The following F8 variants were observed in gnomAD, a reference collection of about 807,000 sequenced individuals.
F8 encodes the protein antihemophilic factor.
In F8, 12 loss-of-function variants were observed where a neutral mutation model predicts 140.6. The observed-to-expected ratio is 0.09, with a 90% CI of 0.05 to 0.14. The LOEUF (loss-of-function observed/expected upper bound fraction) is 0.14. Ranked by LOEUF, F8 falls within the 10% of genes least tolerant of loss-of-function variation. F8 has a pLI of 1.00. For missense variants in F8, 1,354 were observed against 1,720.7 expected (o/e 0.79, Z 3.77); for synonymous variants, 585 against 614.6 (o/e 0.95, Z 0.71).
At chrX:154,926,161 C>A (rs782145775) in intron 14 of F8, among the ~76,000 whole-genome samples, 1 of 112,099 alleles carries the variant, frequency 8.9e-6, no homozygotes, top group East Asian at 2.8e-4. Flanking sequence ...CTCCTCCCTG[C>A]CTTCTGCCAT....
At chrX:154,931,771 A>G in intron 13 of F8, 95 bp from the exon 14 acceptor site, 1 of 725,436 alleles carries the variant, frequency 1.4e-6, no homozygotes, top group Non-Finnish European at 2.1e-6. Flanking sequence ...TAAATGAAAA[A>G]ATACTAGTCA....
intron 25 of F8, among the ~76,000 whole-genome samples, chrX:154,844,767 A>T (rs1304200156): frequency 1.8e-5 from 2 of 110,893 alleles, no homozygotes; most frequent in South Asian, 3.8e-4. Flanking sequence ...TCTTTTCCTA[A>T]TTGAATACCC....
At chrX:154,846,879 C>A (rs1466837806) in intron 25 of F8, among the ~76,000 whole-genome samples, 4 of 111,935 alleles carry the variant, frequency 3.6e-5, no homozygotes, top group African/African-American at 1.3e-4. Flanking sequence ...TTCCTAGCAT[C>A]GATGGTCTTT....
At chrX:154,958,508 C>T (rs1245301137) in intron 10 of F8, among the ~76,000 whole-genome samples, 1 of 111,895 alleles carries the variant, frequency 8.9e-6, no homozygotes, top group African/African-American at 3.2e-5. Context: ...CTCCAAATTT[C>T]GGGACACACA....
At position 154,918,539 on chromosome X, in the gene F8, G is replaced by T. The variant is rs1022607113; in HGVS notation, c.5219+10032C>A. On this transcript the variant is annotated intron_variant, in intron 14 of 25. Transcript: ENST00000360256. ...TGATGTACATACTGTCAGTCTGGGG[G>T]AACTTTTCTGCATGGTGCCTGGCAG... Among the ~76,000 whole-genome samples, 5 of 109,212 alleles carry T rather than the reference G, an allele frequency of 4.6e-5. No homozygotes were observed. In the East Asian group the frequency reaches 1.2e-3, roughly 25 times the overall value. 94.8% of individuals were successfully genotyped at this position (109,212 alleles called of 115,157 possible).
intron 1 of F8, among the ~76,000 whole-genome samples, chrX:155,014,656 A>G (rs2073725677): frequency 8.9e-6 from 1 of 112,609 alleles, no homozygotes; most frequent in Admixed American, 9.4e-5. Context: ...AAACGAAAAC[A>G]AATAAAAATG....
chrX:154,904,637 A>G, intron 16 of F8, 113 bp from the exon 17 acceptor site: 1 of 779,105 alleles, frequency 1.3e-6, no homozygotes, highest in Non-Finnish European at 2.0e-6. Flanking sequence ...TTCCAAAAAT[A>G]TAATCCATCC....
chrX:154,951,037 T>C (rs1399993729), intron 12 of F8, among the ~76,000 whole-genome samples: 1 of 112,269 alleles, frequency 8.9e-6, no homozygotes, highest in Non-Finnish European at 1.9e-5. Context: ...TACACTTTCT[T>C]CCATTTTGTC....
intron 22 of F8, among the ~76,000 whole-genome samples, chrX:154,875,721 ATCT>A (rs781862366): frequency 8.7e-5 from 9 of 103,429 alleles, no homozygotes; most frequent in Non-Finnish European, 1.6e-4. Context: ...TCTCAGAATG[ATCT>A]TCTAAGAATG....
At chrX:154,905,114 T>A (rs1243619319) in intron 15 of F8, 91 bp from the exon 16 acceptor site, 4 of 714,451 alleles carry the variant, frequency 5.6e-6, no homozygotes, top group African/African-American at 2.1e-5. Flanking sequence ...AAGAAATACC[T>A]GTCTTTTGGT....
intron 13 of F8, among the ~76,000 whole-genome samples, chrX:154,932,202 C>G (rs782422003): frequency 8.9e-6 from 1 of 112,023 alleles, no homozygotes; most frequent in Non-Finnish European, 1.9e-5. Flanking sequence ...TCTACCCCAT[C>G]ATATAATACA....
At chrX:154,912,371 T>C (rs782428643) in intron 14 of F8, among the ~76,000 whole-genome samples, 1 of 112,740 alleles carries the variant, frequency 8.9e-6, no homozygotes, top group African/African-American at 3.2e-5. Flanking sequence ...TTTGATTTAA[T>C]TTTTGTATAC....
chrX:154,855,593 A>G (rs781925581), intron 25 of F8, among the ~76,000 whole-genome samples: 1 of 111,392 alleles, frequency 9.0e-6, no homozygotes, highest in Non-Finnish European at 1.9e-5. Flanking sequence ...GCTCCTAAAT[A>G]TTGATGAGTC....
rs1557276135 is a variant in F8 at position 154,904,101 on chromosome X, A to G, written c.5816-13T>C. 15 of 1,207,709 alleles carry G rather than the reference A, an allele frequency of 1.2e-5. No individual in the cohort carries two copies. The highest frequency in any genetic ancestry group is 1.7e-5 in the Non-Finnish European group (15 of 893,262). ...TAGCCATTGATTGCTGGAGAAGGACACAGAGAAGCCTGTTAAAATCTATTA... is the reference window on the plus strand; with the variant it reads ...TAGCCATTGATTGCTGGAGAAGGACGCAGAGAAGCCTGTTAAAATCTATTA... On this transcript the variant is annotated splice_polypyrimidine_tract_variant and intron_variant, in intron 17 of 25. Coordinates refer to ENST00000360256, the MANE Select transcript of F8 (RefSeq NM_000132.4).
intron 14 of F8, among the ~76,000 whole-genome samples, chrX:154,917,849 T>C (rs1557277239): frequency 8.9e-6 from 1 of 112,079 alleles, no homozygotes; most frequent in Non-Finnish European, 1.9e-5. Flanking sequence ...TTGTGTTCTT[T>C]GAGTTTCCTC....
intron 19 of F8, 122 bp from the exon 20 acceptor site, chrX:154,901,564 G>T (rs782729800): frequency 1.1e-4 from 62 of 568,856 alleles, no homozygotes; most frequent in Non-Finnish European, 1.9e-4. Flanking sequence ...AATGTGCCAA[G>T]AACTGTACTC....
intron 6 of F8, among the ~76,000 whole-genome samples, chrX:154,972,981 G>C (rs1431996046): frequency 9.9e-5 from 11 of 111,280 alleles, no homozygotes; most frequent in African/African-American, 3.6e-4. Flanking sequence ...CCAAAGTGCT[G>C]GGATTACAGG....
intron 1 of F8, among the ~76,000 whole-genome samples, chrX:155,007,701 G>C (rs1320596324): frequency 8.9e-6 from 1 of 112,490 alleles, no homozygotes; most frequent in Non-Finnish European, 1.9e-5. Flanking sequence ...ATATGCAAGG[G>C]ATCTAGGTTT....
At chrX:154,860,996 CTCCT>C (rs1167730542) in intron 24 of F8, among the ~76,000 whole-genome samples, 1 of 110,859 alleles carries the variant, frequency 9.0e-6, no homozygotes, top group Non-Finnish European at 1.9e-5. Flanking sequence ...TCTGCCCGGC[CTCCT>C]TCCTTCCTTC....
Sources: gnomAD v4.1 joint callset for allele counts (sites outside exome capture counted in the v4.1 genomes callset) on GRCh38, gnomAD v4.1.1 for gene constraint, MANE v1.5 for transcripts, NCBI Gene and HGNC (gene_info 2026-07-23, HGNC 2026-07-21) for gene names.